Variants in DENND4C observed in about 807,000 individuals in gnomAD.
DENND4C encodes DENN domain containing 4C.
In DENND4C, 108 loss-of-function variants were observed where a neutral mutation model predicts 203.0. The observed-to-expected ratio is 0.53, with a 90% CI of 0.46 to 0.62. DENND4C has a LOEUF of 0.62. Ranked by LOEUF, DENND4C falls within the 20% of genes least tolerant of loss-of-function variation. The pLI, the probability that DENND4C is intolerant of heterozygous loss-of-function variation, is 0.00. For missense variants in DENND4C, 2,481 were observed against 2,301.2 expected (o/e 1.08, Z -1.60); for synonymous variants, 871 against 792.4 (o/e 1.10, Z -1.67).
At chr9:19,351,403 T>G (rs540531734) in intron 24 of DENND4C, among the ~76,000 whole-genome samples, 3 of 152,348 alleles carry the variant, frequency 2.0e-5, no homozygotes, top group African/African-American at 7.2e-5. Context: ...GTGAATCCGA[T>G]GTATACCAGA....
chr9:19,251,346 A>G (rs1265445445), intron 1 of DENND4C, among the ~76,000 whole-genome samples: 1 of 152,176 alleles, frequency 6.6e-6, no homozygotes, highest in Non-Finnish European at 1.5e-5. Flanking sequence ...TAGGCTGCAC[A>G]CAGCAAGGGG....
At chr9:19,306,745 G>GTATTTATTTATTTAT (rs1554630256) in intron 10 of DENND4C, among the ~76,000 whole-genome samples, 58 of 142,322 alleles carry the variant, frequency 4.1e-4, no homozygotes, top group African/African-American at 1.4e-3. Flanking sequence ...TTGCACAATT[G>GTATTTATTTATTTAT]TATTTATTTA....
chr9:19,372,389 A>C lies in DENND4C; in HGVS notation c.*216A>C. 2 of 462,792 alleles carry C rather than the reference A, an allele frequency of 4.3e-6. No individual in the cohort carries two copies. Among genetic ancestry groups the C allele is most frequent in the East Asian group, 3.6e-5 (1 of 27,582 alleles). The allele number at this position is 462,792 out of a possible 1,614,324, so 28.7% of individuals were successfully genotyped here. ...GGGCTTATTAATATTGAAGATTTTC[A>C]ACCCCTGAACTGCTTTTCTGCCTCT... On this transcript the variant is annotated 3_prime_UTR_variant, in exon 33 of 33. Coordinates refer to ENST00000434457, the MANE Select transcript of DENND4C (RefSeq NM_001330640.2).
At chr9:19,297,943 A>G in intron 6 of DENND4C, 113 bp from the exon 7 acceptor site, 2 of 781,518 alleles carry the variant, frequency 2.6e-6, no homozygotes, top group South Asian at 2.3e-5. Context: ...TACATTTTAG[A>G]TAAATGGCCA....
At chr9:19,321,819 G>A (rs942635531) in intron 12 of DENND4C, among the ~76,000 whole-genome samples, 1 of 139,462 alleles carries the variant, frequency 7.2e-6, no homozygotes, top group African/African-American at 2.7e-5. Flanking sequence ...GTAATAGAGT[G>A]AGACTCCATC....
chr9:19,320,361 G>T (rs1842680173), intron 12 of DENND4C, among the ~76,000 whole-genome samples: 1 of 152,102 alleles, frequency 6.6e-6, no homozygotes, highest in Non-Finnish European at 1.5e-5. Context: ...ACCATGCCTG[G>T]CTAATTTTTG....
Position 19,324,545 on chromosome 9 carries a change from A to T in DENND4C, c.1953+38A>T, listed in dbSNP as rs780128631. 6.3e-6 allele frequency: 10 copies of T among 1,579,680 alleles called. No individual in the cohort carries two copies. The South Asian group carries it at 9.4e-5, about 15-fold the overall frequency. On this transcript the variant is annotated intron_variant, in intron 13 of 32. Coordinates refer to ENST00000434457, the MANE Select transcript of DENND4C (RefSeq NM_001330640.2). ...ACTTATACTAGTGTTTAGAAAAAAA[A>T]GTTTGCCTTACCTGTGTAATTATCA...
intron 1 of DENND4C, among the ~76,000 whole-genome samples, chr9:19,273,991 C>T (rs905540203): frequency 2.6e-5 from 4 of 151,914 alleles, no homozygotes; most frequent in African/African-American, 4.8e-5. Context: ...TAGTTTCACA[C>T]GGGAAATAAC....
rs1458941046 is a variant in DENND4C at position 19,357,985 on chromosome 9, G to T, written c.4985G>T (p.Ser1662Ile). 2 of 1,611,334 alleles carry T rather than the reference G, an allele frequency of 1.2e-6. No homozygotes were observed. The highest frequency in any genetic ancestry group is 1.7e-6 in the Non-Finnish European group (2 of 1,178,260). ...VEPSDEIKRA[S>I]GDVQTMKISS... ...TTAAGTGATGAAATAAAGAGAGCCAGTGGAGATGTCCAAACTATGAAAATT... is the reference window on the plus strand; with the variant it reads ...TTAAGTGATGAAATAAAGAGAGCCATTGGAGATGTCCAAACTATGAAAATT... Residue 1662 changes from serine to isoleucine, a missense_variant, in exon 28 of 33, where the codon AGT becomes ATT. Coordinates refer to ENST00000434457, the MANE Select transcript of DENND4C (RefSeq NM_001330640.2).
intron 30 of DENND4C, among the ~76,000 whole-genome samples, chr9:19,363,173 C>T (rs1029313062): frequency 6.6e-6 from 1 of 152,188 alleles, no homozygotes; most frequent in African/African-American, 2.4e-5. Flanking sequence ...CACATGCACA[C>T]ATTCCTGGTG....
In DENND4C at chr9:19,280,743, AAGG is replaced by A. The variant is rs1486194663; in HGVS notation, c.305+4267_305+4269del. Among the ~76,000 whole-genome samples, 9 of 151,766 alleles carry A rather than the reference AAGG, an allele frequency of 5.9e-5. 2 individuals carry two copies. Among genetic ancestry groups the A allele is most frequent in the Admixed American group, 5.9e-4 (9 of 15,232 alleles). ...ATTGTTTTTTTTAATATATAAAAAT[AAGG>A]AGAATTTTTTTGAGACAGTGTCTCA... On this transcript the variant is annotated intron_variant, in intron 2 of 32. Coordinates refer to ENST00000434457, the MANE Select transcript of DENND4C (RefSeq NM_001330640.2).
intron 2 of DENND4C, 135 bp from the exon 3 acceptor site, chr9:19,286,634 G>C (rs548227925): frequency 4.0e-6 from 3 of 756,322 alleles, no homozygotes; most frequent in Admixed American, 8.7e-5. Flanking sequence ...GAAACAATAG[G>C]AGAGACCAAA....
At chr9:19,366,115 A>C (rs979257191) in intron 30 of DENND4C, among the ~76,000 whole-genome samples, 4 of 152,230 alleles carry the variant, frequency 2.6e-5, no homozygotes, top group African/African-American at 9.6e-5. Context: ...TCACGAAAAC[A>C]ATCTTGAAAA....
chr9:19,263,614 G>T (rs1291533010), intron 1 of DENND4C, among the ~76,000 whole-genome samples: 1 of 148,504 alleles, frequency 6.7e-6, no homozygotes, highest in Non-Finnish European at 1.5e-5. Flanking sequence ...GAGGAATTTT[G>T]CATCAATGTT....
intron 1 of DENND4C, among the ~76,000 whole-genome samples, chr9:19,270,703 C>A (rs1831466101): frequency 6.6e-6 from 1 of 152,006 alleles, no homozygotes; most frequent in Admixed American, 6.6e-5. Flanking sequence ...TCTTTGGTTA[C>A]CATTTATCTT....
rs763806796 is a variant in DENND4C at position 19,346,384 on chromosome 9, T to C, written c.3615T>C (p.Tyr1205=). Reference sequence around the variant, plus strand: ...AAACTACTGCAACAGTAGATACATATGAGAGTCTACTAAGTGATAGTAACA... The same window carrying C: ...AAACTACTGCAACAGTAGATACATACGAGAGTCTACTAAGTGATAGTAACA... ...VPKTTATVDT[Y]ESLLSDSNSN... The change falls in exon 23 of 33, where the codon TAT becomes TAC. Residue 1205 remains tyrosine (Y), a synonymous_variant. Coordinates refer to ENST00000434457, the MANE Select transcript of DENND4C (RefSeq NM_001330640.2). 12 of 1,613,902 alleles carry C rather than the reference T, an allele frequency of 7.4e-6. No homozygotes were observed. The highest frequency in any genetic ancestry group is 3.3e-5 in the Admixed American group (2 of 59,998).
chr9:19,352,436 G>A, intron 25 of DENND4C, 54 bp from the exon 26 acceptor site: 5 of 1,465,656 alleles, frequency 3.4e-6, no homozygotes, highest in Non-Finnish European at 4.6e-6. Flanking sequence ...GAGAATTCCT[G>A]TTAAGATTAA....
At chr9:19,275,894 A>G (rs576558719) in intron 1 of DENND4C, among the ~76,000 whole-genome samples, 18 of 152,330 alleles carry the variant, frequency 1.2e-4, no homozygotes, top group Admixed American at 8.5e-4. Context: ...GGCATGAGCC[A>G]TCGCGCCCGG....
Position 19,298,072 on chromosome 9 carries a change from A to G in DENND4C, c.1057A>G (p.Met353Val), listed in dbSNP as rs777649976. 2.5e-6 allele frequency: 4 copies of G among 1,609,766 alleles called. No homozygotes were observed. Among genetic ancestry groups the G allele is most frequent in the Non-Finnish European group, 3.4e-6 (4 of 1,177,944 alleles). Residue 353 changes from methionine to valine, a missense_variant, in exon 7 of 33, where the codon ATG becomes GTG. By Grantham distance (21) the Met-to-Val change is conservative (BLOSUM62 1). Around this residue, in one of 3 missense-constraint regions of DENND4C, gnomAD observed 2,289 missense variants for 2,113.3 expected, o/e 1.08. Coordinates refer to ENST00000434457, the MANE Select transcript of DENND4C (RefSeq NM_001330640.2). ...TTTTTCTAGGCACATTTCACATTTT[A>G]TGCAAAACATCCCTTTTCCTTCACC... ...LPIEKHISHF[M>V]QNIPFPSPQR...
Sources: allele counts gnomAD v4.1 joint callset (sites outside exome capture counted in the v4.1 genomes callset), GRCh38; gene constraint gnomAD v4.1.1; regional missense constraint gnomAD v4.1.1; transcripts MANE v1.5; gene names NCBI Gene and HGNC (gene_info 2026-07-23, HGNC 2026-07-21).